PTPRG: variants seen among roughly 807,000 people sequenced by gnomAD.
PTPRG encodes the protein receptor-type tyrosine-protein phosphatase gamma.
A neutral mutation model predicts 165.3 loss-of-function variants in PTPRG; 102 were observed. The observed-to-expected ratio is 0.62, with a 90% CI of 0.53 to 0.73. The LOEUF is 0.73. Among genes scored for constraint, PTPRG ranks in the 30% least tolerant of loss-of-function variants. The pLI is 0.00. For missense variants in PTPRG, 1,866 were observed against 1,861.4 expected, an observed-to-expected ratio of 1.00 and a Z score of -0.05; for synonymous variants, 675 against 669.5, an observed-to-expected ratio of 1.01 and a Z score of -0.13.
intron 1 of PTPRG, among the ~76,000 whole-genome samples, chr3:61,612,621 G>A (rs1309505540): frequency 1.3e-5 from 2 of 152,234 alleles, no homozygotes; most frequent in African/African-American, 4.8e-5. Flanking sequence ...AGCCTATTTT[G>A]TTCCTCTGTT....
At chr3:61,873,868 T>C (rs879671381) in intron 2 of PTPRG, among the ~76,000 whole-genome samples, 1 of 152,180 alleles carries the variant, frequency 6.6e-6, no homozygotes, top group Non-Finnish European at 1.5e-5. Flanking sequence ...GGCTGTGAGA[T>C]AGGAGGCAAG....
At chr3:61,883,618 C>T (rs903722187) in intron 2 of PTPRG, among the ~76,000 whole-genome samples, 1 of 152,020 alleles carries the variant, frequency 6.6e-6, no homozygotes, top group Non-Finnish European at 1.5e-5. Context: ...AAAACAGGGC[C>T]AGAAATGAGA....
At chr3:62,078,393 C>A in intron 5 of PTPRG, 135 bp downstream of exon 5, 1 of 586,894 alleles carries the variant, frequency 1.7e-6, no homozygotes, top group African/African-American at 1.9e-5. Context: ...TTCATATTGT[C>A]TAATGTGTGA....
In PTPRG at chr3:61,653,896, C is replaced by CGG. The variant is rs61562709; in HGVS notation, c.85+91525_85+91526dup. ...TGTGTGCAGGTTGTTAAGCGGGGAG[C>CGG]GGTGGGGGGCGCGGGGAACTGTAAG... On this transcript the variant is annotated intron_variant, in intron 1 of 29. Transcript: ENST00000474889. 2.2e-3 allele frequency among the ~76,000 whole-genome samples: 47 copies of CGG among 20,900 alleles called. No homozygotes were observed. The East Asian group carries it at 0.08, about 36-fold the overall frequency. 13.7% of individuals were successfully genotyped at this position (20,900 alleles called of 152,430 possible).
intron 1 of PTPRG, among the ~76,000 whole-genome samples, chr3:61,695,569 C>A (rs2030524902): frequency 6.6e-6 from 1 of 152,224 alleles, no homozygotes; most frequent in Admixed American, 6.5e-5. Flanking sequence ...CAGGGTCCAA[C>A]TTCATACACC....
At chr3:62,263,883 C>CA (rs1701774485) in intron 17 of PTPRG, 1 of 152,280 alleles carries the variant, frequency 6.6e-6, no homozygotes, top group African/African-American at 2.4e-5. Flanking sequence ...CACAGTGACT[C>CA]ACGCCTGTAA....
At chr3:61,612,788 T>C (rs920658326) in intron 1 of PTPRG, among the ~76,000 whole-genome samples, 4 of 151,838 alleles carry the variant, frequency 2.6e-5, no homozygotes, top group Non-Finnish European at 5.9e-5. Context: ...TGTGAGAGAA[T>C]TTGATGATAT....
intron 1 of PTPRG, chr3:61,742,633 A>C: frequency 6.2e-7 from 1 of 1,604,594 alleles, no homozygotes; most frequent in Non-Finnish European, 8.5e-7. Flanking sequence ...CACCTTCTTC[A>C]TTTGGAACTT....
At chr3:61,755,219 G>C (rs1321682638) in intron 2 of PTPRG, among the ~76,000 whole-genome samples, 1 of 152,144 alleles carries the variant, frequency 6.6e-6, no homozygotes, top group African/African-American at 2.4e-5. Flanking sequence ...TGTTAGCAAG[G>C]CTGGTCTCGA....
chr3:61,823,985 G>A (rs982571625), intron 2 of PTPRG, among the ~76,000 whole-genome samples: 4 of 152,124 alleles, frequency 2.6e-5, no homozygotes, highest in Non-Finnish European at 4.4e-5. Flanking sequence ...TTAGCCAGGC[G>A]TGGTGGCGGG....
intron 4 of PTPRG, among the ~76,000 whole-genome samples, chr3:62,011,543 G>A (rs2041423179): frequency 6.6e-6 from 1 of 151,602 alleles, no homozygotes; most frequent in Non-Finnish European, 1.5e-5. Context: ...CCATCAAATG[G>A]GAAAGGAATT....
At chr3:61,567,854 T>G (rs1699955306) in intron 1 of PTPRG, among the ~76,000 whole-genome samples, 1 of 150,598 alleles carries the variant, frequency 6.6e-6, no homozygotes, top group African/African-American at 2.4e-5. Context: ...CTTGGTGGTA[T>G]GCGCCTGTAG....
intron 1 of PTPRG, among the ~76,000 whole-genome samples, chr3:61,682,403 A>G (rs538767321): frequency 6.6e-6 from 1 of 152,344 alleles, no homozygotes; most frequent in East Asian, 1.9e-4. Flanking sequence ...AGAGACTTAT[A>G]TAGCAGATGC....
At chr3:62,191,966 C>T (rs9852098) in intron 9 of PTPRG, among the ~76,000 whole-genome samples, 1,647 of 152,316 alleles carry the variant, frequency 0.011, 26 homozygotes, top group African/African-American at 0.038. Flanking sequence ...AGGCCCTTTT[C>T]ATCTGATGGG....
chr3:61,686,050 C>G (rs1339090905), intron 1 of PTPRG, among the ~76,000 whole-genome samples: 3 of 152,184 alleles, frequency 2.0e-5, no homozygotes, highest in Non-Finnish European at 4.4e-5. Context: ...CCGTGAGGAG[C>G]ACTTGGTGCT....
intron 2 of PTPRG, among the ~76,000 whole-genome samples, chr3:61,933,142 T>C (rs1316213579): frequency 6.6e-6 from 1 of 152,014 alleles, no homozygotes; most frequent in Non-Finnish European, 1.5e-5. Flanking sequence ...AACAAAAAGG[T>C]AAAAGACAGT....
Position 61,680,515 on chromosome 3 carries a change from A to C in PTPRG, c.86-68363A>C, listed in dbSNP as rs1169897148. Among the ~76,000 whole-genome samples the C allele has an allele frequency of 8.8e-5, 13 of 146,950 alleles. 1 individual carries two copies. In the East Asian group the frequency reaches 1.8e-3, roughly 20 times the overall value. On this transcript the variant is annotated intron_variant, in intron 1 of 29. Coordinates refer to ENST00000474889, the MANE Select transcript of PTPRG (RefSeq NM_002841.4). The stretch of plus-strand genomic sequence containing the variant: ...TTCAGCTTTATGAAAAAAAAAAAAA[A>C]AAACACAAAAAAACAGCATGGGAGC...
Position 62,003,387 on chromosome 3 carries a change from G to T in PTPRG, c.409G>T (p.Ala137Ser). The T allele has an allele frequency of 6.2e-7, 1 of 1,613,946 alleles. No individual in the cohort carries two copies. The highest frequency in any genetic ancestry group is 2.2e-5 in the East Asian group (1 of 44,892). ...GAAAGACGACTATTTTGTCAGTGGA[G>T]CTGGTCTACCTGGCAGATTCAAAGC... ...LLKDDYFVSGAGLPGRFKAEK... is the reference protein window; with the variant it reads ...LLKDDYFVSGSGLPGRFKAEK... The change falls in exon 4 of 30, where the codon GCT becomes TCT. Residue 137 changes from alanine to serine, a missense_variant. By Grantham distance (99) the Ala-to-Ser change is moderately conservative (BLOSUM62 1). This residue lies in a region of PTPRG where 408 missense variants were observed against 376.2 expected (regional missense o/e 1.08). Transcript: ENST00000474889.
At chr3:61,980,537 C>T (rs546851005) in intron 2 of PTPRG, among the ~76,000 whole-genome samples, 1 of 152,214 alleles carries the variant, frequency 6.6e-6, no homozygotes, top group Non-Finnish European at 1.5e-5. Context: ...TTATATATTC[C>T]ATCCAGAATG....
Sources: gnomAD v4.1 joint callset for allele counts (sites outside exome capture counted in the v4.1 genomes callset) on GRCh38, gnomAD v4.1.1 for gene constraint, gnomAD v4.1.1 regional missense constraint, MANE v1.5 for transcripts, NCBI Gene and HGNC (gene_info 2026-07-23, HGNC 2026-07-21) for gene names.